The following SSC4D variants were observed in gnomAD, a reference collection of about 807,000 sequenced individuals.
SSC4D encodes the protein scavenger receptor cysteine rich family member with 4 domains.
A neutral mutation model predicts 63.4 loss-of-function variants in SSC4D; 57 were observed. That is an observed-to-expected ratio of 0.90 (90% CI 0.73 to 1.12). SSC4D has a LOEUF of 1.12. Among genes scored for constraint, SSC4D ranks in the 50% most tolerant of loss-of-function variants. The pLI, the probability that SSC4D is intolerant of heterozygous loss-of-function variation, is 0.00. For missense variants in SSC4D, 791 were observed against 806.4 expected (o/e 0.98, Z 0.23); for synonymous variants, 352 against 345.4 (o/e 1.02, Z -0.21).
At position 76,400,327 on chromosome 7, in the gene SSC4D, T is replaced by C; in HGVS notation, c.434A>G (p.His145Arg). The C allele has an allele frequency of 6.6e-7, 1 of 1,505,028 alleles. No individual in the cohort carries two copies. The highest frequency in any genetic ancestry group is 8.9e-7 in the Non-Finnish European group (1 of 1,123,098). The allele number at this position is 1,505,028 out of a possible 1,614,324, so 93.2% of individuals were successfully genotyped here. A position where few individuals can be genotyped will look rare whatever the true frequency, so the allele number is the denominator to read the frequency against. Residue 145 changes from histidine to arginine, a missense_variant, in exon 4 of 11, where the codon CAC (histidine) becomes CGC (arginine). Coordinates refer to ENST00000275560, the MANE Select transcript of SSC4D (RefSeq NM_080744.2). The stretch of plus-strand genomic sequence containing the variant: ...CACATCCTCGTAGTGAAAGCAATTG[T>C]GGACGCCCCAGCCGCGGCTGCCGCA... Reference protein sequence around the residue: ...SECGSRGWGVHNCFHYEDVAV... With the variant: ...SECGSRGWGVRNCFHYEDVAV...
chr7:76,396,208 T>C (rs1804636033), intron 6 of SSC4D, among the ~76,000 whole-genome samples: 1 of 152,188 alleles, frequency 6.6e-6, no homozygotes, highest in Admixed American at 6.5e-5. Flanking sequence ...GGAGCTCAGA[T>C]ACCGGGCCAA....
intron 10 of SSC4D, among the ~76,000 whole-genome samples, chr7:76,391,651 G>A (rs538831206): frequency 8.0e-4 from 121 of 152,110 alleles, no homozygotes; most frequent in Middle Eastern, 3.4e-3. Context: ...AGGTCATCAC[G>A]GTCTCCTGCA....
chr7:76,399,523 C>A (rs908571835), intron 4 of SSC4D, among the ~76,000 whole-genome samples: 1 of 151,766 alleles, frequency 6.6e-6, no homozygotes, highest in Admixed American at 6.6e-5. Context: ...GCCAGTGTGA[C>A]CCCAATAGTC....
chr7:76,392,372 A>G (rs955534554), intron 9 of SSC4D, among the ~76,000 whole-genome samples: 3 of 152,112 alleles, frequency 2.0e-5, no homozygotes, highest in Admixed American at 6.6e-5. Context: ...CAACATGGTG[A>G]AACCCCGTCT....
intron 1 of SSC4D, among the ~76,000 whole-genome samples, chr7:76,405,256 AC>A (rs1162883289): frequency 1.7e-4 from 15 of 86,710 alleles, no homozygotes; most frequent in African/African-American, 5.8e-4. Flanking sequence ...GGCGTGCATC[AC>A]CACACCCAGC....
chr7:76,398,547 C>T (rs560616806), intron 5 of SSC4D, among the ~76,000 whole-genome samples, 173 bp downstream of exon 5: 7 of 151,632 alleles, frequency 4.6e-5, no homozygotes, highest in Middle Eastern at 3.4e-3. Context: ...TCAAGTGATC[C>T]GCTGGCCTCG....
intron 9 of SSC4D, among the ~76,000 whole-genome samples, chr7:76,393,135 C>T (rs1476759976): frequency 6.6e-6 from 1 of 152,216 alleles, no homozygotes; most frequent in Admixed American, 6.5e-5. Context: ...GGCCTTAGCC[C>T]TGACCTTCGG....
At chr7:76,393,336 G>GCCGCC (rs1308457953) in intron 9 of SSC4D, 69 bp downstream of exon 9, 10 of 1,280,050 alleles carry the variant, frequency 7.8e-6, no homozygotes, top group African/African-American at 4.7e-5. Context: ...CGCGCGTGGC[G>GCCGCC]CCGCCCCGCC....
chr7:76,391,037 G>A (rs1804484604), intron 10 of SSC4D, among the ~76,000 whole-genome samples: 1 of 152,208 alleles, frequency 6.6e-6, no homozygotes, highest in South Asian at 2.1e-4. Context: ...TTGGGAGACT[G>A]AAGCAGGAGG....
At chr7:76,409,323 TCA>T (rs3081030) in intron 1 of SSC4D, 89 bp downstream of exon 1, 42,196 of 146,190 alleles carry the variant, frequency 0.29, 6,344 homozygotes, top group East Asian at 0.36. Flanking sequence ...TCTCTCTGTC[TCA>T]CACACACACA....
chr7:76,396,396 CT>C (rs539530851), intron 6 of SSC4D, among the ~76,000 whole-genome samples: 76 of 152,328 alleles, frequency 5.0e-4, no homozygotes, highest in African/African-American at 1.7e-3. Flanking sequence ...AATCCACCCC[CT>C]AATTTGCATA....
Position 76,393,850 on chromosome 7 carries a change from G to T in SSC4D, c.1001C>A (p.Ala334Asp), listed in dbSNP as rs368362406. Reference sequence around the variant, plus strand: ...CTTACTTTTCTTCCCCGCGGCCCAGGCGGCGGTGGTGAGCAGTGCTGTCTC... The same window carrying T: ...CTTACTTTTCTTCCCCGCGGCCCAGTCGGCGGTGGTGAGCAGTGCTGTCTC... ...SRETALLTTA[A>D]WAAGKKSGRL... Residue 334 changes from alanine (A) to aspartate (D), a missense_variant, in exon 8 of 11, where the codon GCC becomes GAC. By Grantham distance (126) the Ala-to-Asp change is moderately radical (BLOSUM62 -2). Coordinates refer to ENST00000275560, the MANE Select transcript of SSC4D (RefSeq NM_080744.2). The T allele has an allele frequency of 1.2e-6, 2 of 1,604,212 alleles. No individual in the cohort carries two copies. Among genetic ancestry groups the T allele is most frequent in the East Asian group, 2.2e-5 (1 of 44,552 alleles).
Position 76,390,047 on chromosome 7 carries a change from GA to G in SSC4D, c.*11del. ...CTCCCAGAAGAAGAGGTGGTCTGCAGAGCGGGCTGGGTCATGAAGGCTGGCA... is the reference window on the plus strand; with the variant it reads ...CTCCCAGAAGAAGAGGTGGTCTGCAGGCGGGCTGGGTCATGAAGGCTGGCA... On this transcript the variant is annotated 3_prime_UTR_variant, in exon 11 of 11. Transcript: ENST00000275560. 1 of 1,614,158 alleles carries G rather than the reference GA, an allele frequency of 6.2e-7. No homozygotes were observed. Among genetic ancestry groups the G allele is most frequent in the Non-Finnish European group, 8.5e-7 (1 of 1,180,004 alleles).
rs778978143 is a variant in SSC4D at position 76,390,385 on chromosome 7, G to A, written c.1412-10C>T. On this transcript the variant is annotated splice_polypyrimidine_tract_variant and intron_variant, in intron 10 of 10. Coordinates refer to ENST00000275560, the MANE Select transcript of SSC4D (RefSeq NM_080744.2). ...ACCAGACGTAGATGCCCTGTGGGGG[G>A]ACAGGGCTGGGTTGGAAGGGGCTGG... 11 of 1,566,998 alleles carry A rather than the reference G, an allele frequency of 7.0e-6. No homozygotes were observed. The highest frequency in any genetic ancestry group is 2.2e-4 in the Middle Eastern group (1 of 4,556).
intron 10 of SSC4D, among the ~76,000 whole-genome samples, chr7:76,391,340 C>T (rs1244481695): frequency 6.6e-6 from 1 of 151,592 alleles, no homozygotes; most frequent in Non-Finnish European, 1.5e-5. Flanking sequence ...ACTGGGGAGG[C>T]TGAGGCACGA....
chr7:76,408,286 C>T (rs985349253), intron 1 of SSC4D, among the ~76,000 whole-genome samples: 1 of 152,090 alleles, frequency 6.6e-6, no homozygotes. Context: ...ATTTCAACAC[C>T]CCATTCATGG....
intron 7 of SSC4D, among the ~76,000 whole-genome samples, chr7:76,394,304 G>A (rs1804578212): frequency 6.6e-6 from 1 of 152,054 alleles, no homozygotes; most frequent in Non-Finnish European, 1.5e-5. Flanking sequence ...GAGTGCAGTG[G>A]TGCGATCATA....
Position 76,398,580 on chromosome 7 carries a change from C to T in SSC4D, c.553+140G>A, listed in dbSNP as rs1804715066. The T allele has an allele frequency of 6.4e-6, 6 of 939,044 alleles. No homozygotes were observed. In the Admixed American group the frequency reaches 9.9e-5, roughly 16 times the overall value. The allele number at this position is 939,044 out of a possible 1,614,324, so 58.2% of individuals were successfully genotyped here. On this transcript the variant is annotated intron_variant, in intron 5 of 10. Transcript: ENST00000275560. Reference sequence around the variant, plus strand: ...TCGGCCTCCCAAAGTGCTGGGATTACAGGTGTGAGCCACCATGCCCAGCCA... The same window carrying T: ...TCGGCCTCCCAAAGTGCTGGGATTATAGGTGTGAGCCACCATGCCCAGCCA...
rs757478111 is a variant in SSC4D at position 76,397,620 on chromosome 7, C to T, written c.766G>A (p.Val256Met). The T allele has an allele frequency of 1.7e-5, 27 of 1,613,058 alleles. No individual in the cohort carries two copies. The highest frequency in any genetic ancestry group is 1.7e-4 in the Middle Eastern group (1 of 6,054). ...CGGGGCTCGCCGCCTTCGCAGTGCA[C>T]GTTGTCCAGCAGGATGTGTCCGGTG... The part of the protein sequence containing the change: ...YGTGHILLDN[V>M]HCEGGEPRLA... The change falls in exon 6 of 11, where the codon GTG (valine) becomes ATG (methionine). Residue 256 changes from valine to methionine, a missense_variant. Physicochemically the swap from Val to Met is conservative, Grantham distance 21 (BLOSUM62 1). Transcript: ENST00000275560.
Sources: allele counts gnomAD v4.1 joint callset (sites outside exome capture counted in the v4.1 genomes callset), GRCh38; gene constraint gnomAD v4.1.1; transcripts MANE v1.5; gene names NCBI Gene and HGNC (gene_info 2026-07-23, HGNC 2026-07-21).